The following PARD3 variants were observed in gnomAD, a reference collection of about 807,000 sequenced individuals.
The protein encoded by PARD3 is partitioning defective 3 homolog.
PARD3 carries 75 observed loss-of-function variants against 155.4 expected under a neutral mutation model. That is an observed-to-expected ratio of 0.48 (90% CI 0.40 to 0.58). PARD3 has a LOEUF of 0.58. Ranked by LOEUF, PARD3 falls within the 20% of genes least tolerant of loss-of-function variation. PARD3 has a pLI of 0.00. For missense variants in PARD3, 1,642 were observed against 1,721.7 expected (o/e 0.95, Z 0.82); for synonymous variants, 576 against 610.5 (o/e 0.94, Z 0.83).
chr10:34,544,872 G>C (rs2083919641), intron 2 of PARD3, among the ~76,000 whole-genome samples: 1 of 152,198 alleles, frequency 6.6e-6, no homozygotes, highest in Non-Finnish European at 1.5e-5. Context: ...CTCTTGCTTA[G>C]TGAAGTTAAG....
At chr10:34,322,233 A>G (rs1265929315) in intron 19 of PARD3, among the ~76,000 whole-genome samples, 1 of 152,146 alleles carries the variant, frequency 6.6e-6, no homozygotes, top group Admixed American at 6.5e-5. Context: ...TTAGACAGCA[A>G]TAAGACAGTA....
At position 34,605,526 on chromosome 10, in the gene PARD3, ATATATATCTCC is replaced by A. The variant is rs1394802987; in HGVS notation, c.223-88378_223-88368del. Among the ~76,000 whole-genome samples the A allele has an allele frequency of 1.6e-4, 12 of 76,470 alleles. 1 individual carries two copies. Among genetic ancestry groups the A allele is most frequent in the East Asian group, 3.7e-4 (1 of 2,736 alleles). 50.2% of individuals were successfully genotyped at this position (76,470 alleles called of 152,430 possible). A position where few individuals can be genotyped will look rare whatever the true frequency, so the allele number is the denominator to read the frequency against. ...TCTTAAATATATATATATATCTCCT[ATATATATCTCC>A]TATATATATATATATATATCTCCTA... On this transcript the variant is annotated intron_variant, in intron 2 of 24. Transcript: ENST00000374788.
chr10:34,132,702 C>T (rs574102199), intron 22 of PARD3, among the ~76,000 whole-genome samples: 92 of 152,194 alleles, frequency 6.0e-4, no homozygotes, highest in African/African-American at 2.1e-3. Flanking sequence ...TAGGAGAGGG[C>T]GGTTCCTCAG....
intron 10 of PARD3, among the ~76,000 whole-genome samples, chr10:34,376,523 C>A (rs776340955): frequency 1.3e-5 from 2 of 152,146 alleles, no homozygotes. Context: ...ACGTACCACT[C>A]AATTTATAAC....
chr10:34,633,803 T>C (rs962745925), intron 2 of PARD3, among the ~76,000 whole-genome samples: 4 of 152,234 alleles, frequency 2.6e-5, no homozygotes, highest in Admixed American at 6.5e-5. Flanking sequence ...CAACAGTGTA[T>C]GAGGGTTCCT....
intron 2 of PARD3, among the ~76,000 whole-genome samples, chr10:34,557,006 T>G (rs1467633831): frequency 6.6e-6 from 1 of 152,176 alleles, no homozygotes; most frequent in Non-Finnish European, 1.5e-5. Context: ...AAGGAAGGTA[T>G]AACTGCTGGG....
At chr10:34,442,038 GC>G (rs2076490574) in intron 5 of PARD3, among the ~76,000 whole-genome samples, 1 of 152,184 alleles carries the variant, frequency 6.6e-6, no homozygotes, top group South Asian at 2.1e-4. Context: ...ATTTGGTGTT[GC>G]TAGAGATAAA....
At chr10:34,710,687 T>C (rs994293373) in intron 1 of PARD3, among the ~76,000 whole-genome samples, 13 of 152,216 alleles carry the variant, frequency 8.5e-5, no homozygotes, top group Non-Finnish European at 1.8e-4. Context: ...CGTATTTCGA[T>C]GTTCAATTGT....
At chr10:34,788,518 C>T (rs1391820913) in intron 1 of PARD3, among the ~76,000 whole-genome samples, 1 of 151,418 alleles carries the variant, frequency 6.6e-6, no homozygotes, top group Non-Finnish European at 1.5e-5. Flanking sequence ...GGCACGATCG[C>T]GGCTCACTGC....
At chr10:34,384,401 G>A in intron 7 of PARD3, 147 bp from the exon 8 acceptor site, 1 of 760,164 alleles carries the variant, frequency 1.3e-6, no homozygotes, top group Non-Finnish European at 2.1e-6. Flanking sequence ...TTAAATGACA[G>A]ACAAAAACCA....
chr10:34,713,971 C>T (rs1368936345), intron 1 of PARD3, among the ~76,000 whole-genome samples: 2 of 152,098 alleles, frequency 1.3e-5, no homozygotes, highest in Non-Finnish European at 2.9e-5. Context: ...TCCAAAACAA[C>T]CAACCTGGAA....
chr10:34,457,670 G>A (rs191442153), intron 4 of PARD3, among the ~76,000 whole-genome samples: 60 of 151,976 alleles, frequency 3.9e-4, no homozygotes, highest in African/African-American at 1.4e-3. Context: ...GCACAATCTT[G>A]GCTCACTGCA....
intron 22 of PARD3, among the ~76,000 whole-genome samples, chr10:34,242,296 G>C (rs1953656125): frequency 6.6e-6 from 1 of 152,008 alleles, no homozygotes; most frequent in African/African-American, 2.4e-5. Context: ...TTTATTAAAA[G>C]GCTACTGATA....
intron 1 of PARD3, among the ~76,000 whole-genome samples, chr10:34,708,964 G>A (rs6481908): frequency 0.92 from 139,827 of 152,182 alleles, 64,704 homozygotes; most frequent in South Asian, 0.99. Context: ...GTTGTGTTCT[G>A]AAGTATTTAA....
chr10:34,413,107 C>G (rs1299486099), intron 5 of PARD3, among the ~76,000 whole-genome samples: 2 of 148,974 alleles, frequency 1.3e-5, no homozygotes, highest in East Asian at 3.9e-4. Flanking sequence ...GAAATTTTCT[C>G]TCTTGAAAAA....
In PARD3 at chr10:34,359,214, G is replaced by A. The variant is rs142553947; in HGVS notation, c.2000C>T (p.Ser667Phe). The A allele has an allele frequency of 1.2e-6, 2 of 1,613,742 alleles. No individual in the cohort carries two copies. Among genetic ancestry groups the A allele is most frequent in the Non-Finnish European group, 1.7e-6 (2 of 1,179,738 alleles). ...DAMETLRRSMSTEGNKRGMIQ... is the reference protein window; with the variant it reads ...DAMETLRRSMFTEGNKRGMIQ... ...CATTCCTCGTTTATTGCCTTCAGTA[G>A]ACATAGACCTTCTTAGGGTTTCCAT... Residue 667 changes from serine to phenylalanine, a missense_variant, in exon 14 of 25, where the codon TCT (serine) becomes TTT (phenylalanine). Physicochemically the swap from Ser to Phe is radical, Grantham distance 155 (BLOSUM62 -2). Coordinates refer to ENST00000374788, the MANE Select transcript of PARD3 (RefSeq NM_001184785.2).
At chr10:34,443,038 A>T (rs958923081) in intron 5 of PARD3, among the ~76,000 whole-genome samples, 20 of 150,318 alleles carry the variant, frequency 1.3e-4, no homozygotes, top group African/African-American at 4.9e-4. Context: ...ATTTTCTTCT[A>T]TGTAGGCAGA....
intron 1 of PARD3, among the ~76,000 whole-genome samples, chr10:34,726,250 G>C (rs545030229): frequency 6.6e-6 from 1 of 152,278 alleles, no homozygotes; most frequent in East Asian, 1.9e-4. Context: ...AGGAGTTCAA[G>C]ACCAGCGTGG....
intron 22 of PARD3, among the ~76,000 whole-genome samples, chr10:34,242,282 T>C (rs1031325338): frequency 3.3e-5 from 5 of 152,340 alleles, no homozygotes; most frequent in African/African-American, 1.2e-4. Flanking sequence ...TGCCTGTTTA[T>C]AAATTTATTA....
Sources: allele counts gnomAD v4.1 joint callset (sites outside exome capture counted in the v4.1 genomes callset), GRCh38; gene constraint gnomAD v4.1.1; transcripts MANE v1.5; gene names NCBI Gene and HGNC (gene_info 2026-07-23, HGNC 2026-07-21).